PRLR: variants seen among roughly 807,000 people sequenced by gnomAD.
PRLR encodes the protein hPRL receptor.
PRLR carries 13 observed loss-of-function variants against 40.2 expected under a neutral mutation model. That is an observed-to-expected ratio of 0.32 (90% CI 0.21 to 0.51). PRLR has a LOEUF of 0.51. Ranked by LOEUF, PRLR falls within the 20% of genes least tolerant of loss-of-function variation. The probability of loss-of-function intolerance (pLI) is 0.97; values close to 1 mark genes in which losing one functional copy is unlikely to be tolerated. For synonymous variants in PRLR, 269 were observed against 278.7 expected, an observed-to-expected ratio of 0.97 and a Z score of 0.35; for missense variants, 656 against 747.3, an observed-to-expected ratio of 0.88 and a Z score of 1.42.
chr5:35,186,973 G>A (rs1247585319), intron 1 of PRLR, among the ~76,000 whole-genome samples: 1 of 152,160 alleles, frequency 6.6e-6, no homozygotes, highest in Non-Finnish European at 1.5e-5. Flanking sequence ...ATTATCAAAG[G>A]GAGATTGGAG....
rs7729590 is a variant in PRLR, at chr5:35,225,957, C to T, written c.-106+4311G>A. Among the ~76,000 whole-genome samples, 304 of 152,344 alleles carry T rather than the reference C, an allele frequency of 2.0e-3. 1 individual carries two copies. Among genetic ancestry groups the T allele is most frequent in the African/African-American group, 7.1e-3 (294 of 41,562 alleles). ...TCGGCCTCCTAAAGTGCTTGGATTACAGGCATGAGCCACCACACCTGGCCA... is the reference window on the plus strand; with the variant it reads ...TCGGCCTCCTAAAGTGCTTGGATTATAGGCATGAGCCACCACACCTGGCCA... On this transcript the variant is annotated intron_variant, in intron 1 of 9. Coordinates refer to ENST00000618457, the MANE Select transcript of PRLR (RefSeq NM_000949.7).
At chr5:35,140,899 T>C (rs1311271772) in intron 1 of PRLR, among the ~76,000 whole-genome samples, 1 of 152,180 alleles carries the variant, frequency 6.6e-6, no homozygotes, top group Non-Finnish European at 1.5e-5. Flanking sequence ...CTTAGTATAT[T>C]AATGTACCCA....
intron 1 of PRLR, among the ~76,000 whole-genome samples, chr5:35,126,142 G>T (rs1561320875): frequency 6.6e-6 from 1 of 152,202 alleles, no homozygotes; most frequent in Non-Finnish European, 1.5e-5. Context: ...GTAGGTAAGT[G>T]ATGTTGATAA....
At chr5:35,129,985 C>T (rs1773610904) in intron 1 of PRLR, among the ~76,000 whole-genome samples, 1 of 152,188 alleles carries the variant, frequency 6.6e-6, no homozygotes, top group Non-Finnish European at 1.5e-5. Context: ...TGAATGCTTG[C>T]TTCCGAATGC....
chr5:35,050,744 C>T (rs1398454437), downstream of PRLR, among the ~76,000 whole-genome samples: 2 of 152,172 alleles, frequency 1.3e-5, no homozygotes, highest in Non-Finnish European at 2.9e-5. Flanking sequence ...TCCAGTAAGG[C>T]TCTGAAGATA....
At chr5:35,066,232 C>A (rs921164859) in intron 9 of PRLR, 130 bp from the exon 10 acceptor site, 1 of 928,714 alleles carries the variant, frequency 1.1e-6, no homozygotes, top group African/African-American at 1.7e-5. Flanking sequence ...CATTTGTGTG[C>A]CAGGCCATCT....
chr5:35,049,430 G>A, intron 8 of PRLR: 2 of 702,756 alleles, frequency 2.8e-6, no homozygotes, highest in Non-Finnish European at 5.2e-6. Flanking sequence ...AAGAAAAACA[G>A]TACATTCTGA....
intron 1 of PRLR, among the ~76,000 whole-genome samples, chr5:35,162,117 T>A (rs79395079): frequency 5.3e-5 from 8 of 152,208 alleles, no homozygotes; most frequent in Non-Finnish European, 7.3e-5. Context: ...GGGCATTAAA[T>A]TCTAACATTT....
intron 5 of PRLR, among the ~76,000 whole-genome samples, chr5:35,075,580 C>T (rs181097982): frequency 0.024 from 3,611 of 152,264 alleles, 157 homozygotes; most frequent in African/African-American, 0.081. Context: ...TCAAGGAGGC[C>T]GGCCTGCCTC....
In PRLR at chr5:35,084,370, T is replaced by C. The variant is rs560903701; in HGVS notation, c.373+100A>G. The C allele has an allele frequency of 5.8e-5, 68 of 1,170,346 alleles. No homozygotes were observed. The Admixed American group carries it at 8.4e-4, about 14-fold the overall frequency. 72.5% of individuals were successfully genotyped at this position (1,170,346 alleles called of 1,614,324 possible). A position where few individuals can be genotyped will look rare whatever the true frequency, so the allele number is the denominator to read the frequency against. The stretch of plus-strand genomic sequence containing the variant: ...TCGTGAGTTTTCTCATCTTTCTTTT[T>C]GGGGATCCATCCAAAACCCAAGAAG... On this transcript the variant is annotated intron_variant, in intron 5 of 9. Transcript: ENST00000618457.
At chr5:35,112,994 G>A (rs775690467) in intron 2 of PRLR, among the ~76,000 whole-genome samples, 6 of 152,076 alleles carry the variant, frequency 3.9e-5, no homozygotes, top group African/African-American at 1.2e-4. Context: ...GGGAAACCAC[G>A]ATCCAGCTCT....
At chr5:35,202,518 G>C (rs1775909702) in intron 1 of PRLR, among the ~76,000 whole-genome samples, 1 of 152,040 alleles carries the variant, frequency 6.6e-6, no homozygotes, top group African/African-American at 2.4e-5. Flanking sequence ...CTGCCTACTT[G>C]TTCATTAACT....
rs771765015 is a variant in PRLR at position 35,065,267 on chromosome 5, G to C, written c.1691C>G (p.Pro564Arg). Residue 564 changes from proline to arginine, a missense_variant, in exon 10 of 10, where the codon CCA becomes CGA. Around this residue, in one of 3 missense-constraint regions of PRLR, gnomAD observed 469 missense variants for 491.5 expected, o/e 0.95. Transcript: ENST00000618457. ...DNNILVLVPD[P>R]HAKNVACFEE... is the part of the protein sequence containing the mutation. ...AAAGCAAGCCACGTTTTTAGCATGT[G>C]GATCTGGCACCAACACCAGGATGTT... 1 of 1,614,128 alleles carries C rather than the reference G, an allele frequency of 6.2e-7. No homozygotes were observed. Among genetic ancestry groups the C allele is most frequent in the East Asian group, 2.2e-5 (1 of 44,872 alleles).
At chr5:35,228,545 G>GCC (rs796752091) in intron 1 of PRLR, among the ~76,000 whole-genome samples, 21 of 152,334 alleles carry the variant, frequency 1.4e-4, no homozygotes, top group African/African-American at 4.8e-4. Flanking sequence ...TGGCCTCCCT[G>GCC]CCATCCAGCT....
intron 1 of PRLR, among the ~76,000 whole-genome samples, chr5:35,148,740 A>T (rs759632002): frequency 6.6e-6 from 1 of 152,178 alleles, no homozygotes; most frequent in Non-Finnish European, 1.5e-5. Context: ...CATTTATAAT[A>T]GTTCAAATCT....
chr5:35,108,801 T>C (rs936299317), intron 2 of PRLR, among the ~76,000 whole-genome samples: 1 of 152,190 alleles, frequency 6.6e-6, no homozygotes, highest in Admixed American at 6.5e-5. Context: ...CAAAGTAATT[T>C]CTAGATTCAA....
At chr5:35,192,103 G>A (rs1045130374) in intron 1 of PRLR, among the ~76,000 whole-genome samples, 14 of 152,286 alleles carry the variant, frequency 9.2e-5, no homozygotes, top group Non-Finnish European at 1.8e-4. Context: ...TGGTCCATGT[G>A]CCTGTCGTGT....
intron 1 of PRLR, among the ~76,000 whole-genome samples, chr5:35,158,466 AC>A (rs1374228363): frequency 6.6e-6 from 1 of 152,172 alleles, no homozygotes; most frequent in Non-Finnish European, 1.5e-5. Flanking sequence ...AGAATAATTT[AC>A]TAGCATAGTG....
At chr5:35,186,973 G>C (rs1247585319) in intron 1 of PRLR, among the ~76,000 whole-genome samples, 1 of 152,160 alleles carries the variant, frequency 6.6e-6, no homozygotes, top group South Asian at 2.1e-4. Flanking sequence ...ATTATCAAAG[G>C]GAGATTGGAG....
Sources: gnomAD v4.1 joint callset for allele counts (sites outside exome capture counted in the v4.1 genomes callset) on GRCh38, gnomAD v4.1.1 for gene constraint, gnomAD v4.1.1 regional missense constraint, MANE v1.5 for transcripts, NCBI Gene and HGNC (gene_info 2026-07-23, HGNC 2026-07-21) for gene names.